Variants in PATL2 observed in about 807,000 individuals in gnomAD.
PATL2 encodes PAT1 homolog 2.
In PATL2, 73 loss-of-function variants were observed where a neutral mutation model predicts 77.0. The ratio of observed to expected loss-of-function variants is 0.95; its 90% CI spans 0.78 to 1.15. The LOEUF (loss-of-function observed/expected upper bound fraction) is 1.15. Ranked by LOEUF, PATL2 falls within the 50% of genes most tolerant of loss-of-function variation. PATL2 has a pLI of 0.00. For missense variants in PATL2, 618 were observed against 655.4 expected, an observed-to-expected ratio of 0.94 and a Z score of 0.62; for synonymous variants, 265 against 257.1, an observed-to-expected ratio of 1.03 and a Z score of -0.29.
At chr15:44,669,215 A>T (rs2085538064) in intron 13 of PATL2, 65 bp downstream of exon 13, 1 of 1,528,554 alleles carries the variant, frequency 6.5e-7, no homozygotes. Context: ...GAGAGGCAGA[A>T]GCAAGACCAG....
At chr15:44,707,652 A>G (rs1229522884) in intron 3 of PATL2, among the ~76,000 whole-genome samples, 1 of 152,110 alleles carries the variant, frequency 6.6e-6, no homozygotes, top group Non-Finnish European at 1.5e-5. Flanking sequence ...CAAGCAGAGG[A>G]AAGAAGTCTC....
intron 3 of PATL2, among the ~76,000 whole-genome samples, chr15:44,706,253 T>C (rs1300407813): frequency 1.3e-5 from 2 of 152,230 alleles, no homozygotes; most frequent in South Asian, 2.1e-4. Flanking sequence ...ATATTTATTA[T>C]AGTCTTTGCA....
chr15:44,669,736 C>T (rs1268010835), intron 11 of PATL2, 41 bp downstream of exon 11: 7 of 1,544,974 alleles, frequency 4.5e-6, no homozygotes, highest in Non-Finnish European at 6.1e-6. Flanking sequence ...ACCCTTCTTC[C>T]AAAGGGGAGA....
At chr15:44,681,090 G>T (rs777744459) in intron 3 of PATL2, among the ~76,000 whole-genome samples, 19 of 152,088 alleles carry the variant, frequency 1.2e-4, no homozygotes, top group Non-Finnish European at 1.9e-4. Context: ...GAGTGCAGTG[G>T]CACGATTATA....
chr15:44,678,356 G>C (rs1595973711), intron 3 of PATL2, among the ~76,000 whole-genome samples: 1 of 152,192 alleles, frequency 6.6e-6, no homozygotes, highest in East Asian at 1.9e-4. Context: ...GTACTGACTA[G>C]TACCAAAGCA....
chr15:44,710,516 C>T (rs890174427), intron 2 of PATL2, among the ~76,000 whole-genome samples: 10 of 152,288 alleles, frequency 6.6e-5, no homozygotes, highest in South Asian at 6.2e-4. Context: ...CTAAAATTGC[C>T]GAGCCCTTTG....
chr15:44,671,922 C>T, intron 9 of PATL2, 93 bp downstream of exon 9: 1 of 1,457,876 alleles, frequency 6.9e-7, no homozygotes, highest in South Asian at 1.3e-5. Context: ...CAGACATGAC[C>T]TCTATGAGCC....
intron 3 of PATL2, among the ~76,000 whole-genome samples, chr15:44,684,471 T>C (rs1481858049): frequency 6.6e-6 from 1 of 151,480 alleles, no homozygotes; most frequent in Non-Finnish European, 1.5e-5. Context: ...AATAGCTGAA[T>C]TGATCAAGCA....
At chr15:44,676,728 C>T (rs1265890831) in intron 3 of PATL2, 163 bp from the exon 4 acceptor site, 3 of 1,237,206 alleles carry the variant, frequency 2.4e-6, no homozygotes, top group Non-Finnish European at 3.2e-6. Flanking sequence ...AACACCCACC[C>T]TCCCAGCTCG....
chr15:44,678,712 G>A (rs1279141062), intron 3 of PATL2, among the ~76,000 whole-genome samples: 2 of 152,116 alleles, frequency 1.3e-5, no homozygotes, highest in Non-Finnish European at 2.9e-5. Context: ...TTGGGAAGCT[G>A]AGGCAGGAGG....
At chr15:44,679,714 A>G (rs76381706) in intron 3 of PATL2, among the ~76,000 whole-genome samples, 1,870 of 151,674 alleles carry the variant, frequency 0.012, 51 homozygotes, top group East Asian at 0.09. Context: ...TTTTATTCCT[A>G]ATATTATTCA....
chr15:44,696,392 A>G (rs973233377), intron 3 of PATL2, among the ~76,000 whole-genome samples: 2 of 152,232 alleles, frequency 1.3e-5, no homozygotes, highest in African/African-American at 2.4e-5. Context: ...TAGGCTTATA[A>G]TTAAGGATGA....
At chr15:44,673,462 T>C in intron 6 of PATL2, 85 bp from the exon 7 acceptor site, 10 of 1,485,760 alleles carry the variant, frequency 6.7e-6, no homozygotes, top group Non-Finnish European at 9.1e-6. Context: ...GTTCCTTTCC[T>C]ACCTTTTCCC....
Position 44,669,090 on chromosome 15 carries a change from C to G in PATL2, c.1114G>C (p.Ala372Pro), listed in dbSNP as rs371847596. Residue 372 changes from alanine to proline, a missense_variant, in exon 14 of 18, where the codon GCC (alanine) becomes CCC (proline). Physicochemically the swap from Ala to Pro is conservative, Grantham distance 27. Coordinates refer to ENST00000682850, the MANE Select transcript of PATL2 (RefSeq NM_001387263.1). ...AAGGGGAGCAGCCGGGCCACCAGGG[C>G]CTTCCCCTTCCTCACAGAGAGCACC... ...LQVLSVRKGK[A>P]LVARLLPFLP... is the part of the protein sequence containing the mutation. 3.9e-6 allele frequency: 6 copies of G among 1,549,592 alleles called. No homozygotes were observed. Among genetic ancestry groups the G allele is most frequent in the East Asian group, 2.4e-5 (1 of 40,866 alleles).
At chr15:44,701,069 T>C (rs976650400) in intron 3 of PATL2, among the ~76,000 whole-genome samples, 8 of 151,216 alleles carry the variant, frequency 5.3e-5, no homozygotes, top group African/African-American at 2.0e-4. Flanking sequence ...TATATCACAT[T>C]GATTGATTTG....
At chr15:44,686,370 GAC>G in intron 3 of PATL2, among the ~76,000 whole-genome samples, 1 of 152,204 alleles carries the variant, frequency 6.6e-6, no homozygotes, top group South Asian at 2.1e-4. Context: ...TGAGAACAAA[GAC>G]ACAACGTACC....
intron 3 of PATL2, among the ~76,000 whole-genome samples, chr15:44,686,803 A>G (rs2086268079): frequency 6.6e-6 from 1 of 152,238 alleles, no homozygotes; most frequent in Non-Finnish European, 1.5e-5. Flanking sequence ...TAGAAAATCT[A>G]GAAGAAATGG....
At position 44,669,036 on chromosome 15, in the gene PATL2, G is replaced by C; in HGVS notation, c.1168C>G (p.Leu390Val). 3 of 1,551,224 alleles carry C rather than the reference G, an allele frequency of 1.9e-6. No individual in the cohort carries two copies. The highest frequency in any genetic ancestry group is 2.6e-6 in the Non-Finnish European group (3 of 1,146,714). ...GGCAGATGGTGGGTGATAGCCAAAAGAATGGTAACAGCCTGATCCTGGGGC... is the reference window on the plus strand; with the variant it reads ...GGCAGATGGTGGGTGATAGCCAAAACAATGGTAACAGCCTGATCCTGGGGC... ...FLPQDQAVTI[L>V]LAITHHLPLL... The change falls in exon 14 of 18, where the codon CTT becomes GTT. Residue 390 changes from leucine to valine, a missense_variant. By Grantham distance (32) the Leu-to-Val change is conservative. Coordinates refer to ENST00000682850, the MANE Select transcript of PATL2 (RefSeq NM_001387263.1).
chr15:44,679,555 T>TC (rs2086085059), intron 3 of PATL2, among the ~76,000 whole-genome samples: 1 of 134,564 alleles, frequency 7.4e-6, no homozygotes, highest in Non-Finnish European at 1.5e-5. Context: ...TCTTTTTCTT[T>TC]TTTTTTTTTT....
Sources: allele counts gnomAD v4.1 joint callset (sites outside exome capture counted in the v4.1 genomes callset), GRCh38; gene constraint gnomAD v4.1.1; transcripts MANE v1.5; gene names NCBI Gene and HGNC (gene_info 2026-07-23, HGNC 2026-07-21).